CBFA2T2: variants seen among roughly 807,000 people sequenced by gnomAD.
CBFA2T2 encodes protein CBFA2T2.
Under a neutral mutation model 62.2 loss-of-function variants are expected in CBFA2T2, and 11 were observed. That is an observed-to-expected ratio of 0.18 (90% CI 0.11 to 0.29). CBFA2T2 has a LOEUF of 0.29. Among genes scored for constraint, CBFA2T2 ranks in the 10% least tolerant of loss-of-function variants. The probability of loss-of-function intolerance (pLI) is 1.00; values close to 1 mark genes in which losing one functional copy is unlikely to be tolerated. For synonymous variants in CBFA2T2, 295 were observed against 287.5 expected (o/e 1.03, Z -0.27); for missense variants, 592 against 774.1 (o/e 0.76, Z 2.79).
At position 33,594,472 on chromosome 20, in the gene CBFA2T2, G is replaced by A. The variant is rs542163562; in HGVS notation, c.35-12484G>A. ...CTTGACCTCGTGATCCTCCTGCCTCGGCCTCCCAAAGTGCTGGGATTACAG... is the reference window on the plus strand; with the variant it reads ...CTTGACCTCGTGATCCTCCTGCCTCAGCCTCCCAAAGTGCTGGGATTACAG... On this transcript the variant is annotated intron_variant, in intron 1 of 10. Transcript: ENST00000342704. Among the ~76,000 whole-genome samples the A allele has an allele frequency of 1.8e-4, 27 of 151,956 alleles. No homozygotes were observed. In the South Asian group the frequency reaches 5.0e-3, roughly 28 times the overall value.
At chr20:33,544,930 G>A (rs2012496765) in intron 1 of CBFA2T2, among the ~76,000 whole-genome samples, 1 of 142,746 alleles carries the variant, frequency 7.0e-6, no homozygotes, top group Non-Finnish European at 1.5e-5. Context: ...GCATGCATGA[G>A]TGAATAGAAT....
At chr20:33,606,919 A>G (rs2015361954) in intron 1 of CBFA2T2, 37 bp from the exon 2 acceptor site, 1 of 1,596,032 alleles carries the variant, frequency 6.3e-7, no homozygotes, top group Non-Finnish European at 8.6e-7. Context: ...GCAAACTTTT[A>G]GAAAACCCTA....
In CBFA2T2 at chr20:33,646,118, C is replaced by G. The variant is rs896886398; in HGVS notation, c.*1472C>G. ...TTCCAGGTTCAAGCAATTCTCCTGC[C>G]TCAGCCTCCCGAGTAGCTGAGATTA... On this transcript the variant is annotated 3_prime_UTR_variant, in exon 11 of 11. Coordinates refer to ENST00000342704, the MANE Select transcript of CBFA2T2 (RefSeq NM_001032999.3). The G allele has an allele frequency of 2.6e-5, 4 of 152,294 alleles. No homozygotes were observed. Among genetic ancestry groups the G allele is most frequent in the African/African-American group, 7.2e-5 (3 of 41,434 alleles). 9.4% of individuals were successfully genotyped at this position (152,294 alleles called of 1,614,324 possible).
intron 1 of CBFA2T2, among the ~76,000 whole-genome samples, chr20:33,564,860 A>T (rs1206797388): frequency 6.6e-6 from 1 of 152,024 alleles, no homozygotes; most frequent in Non-Finnish European, 1.5e-5. Context: ...GATTGCAGGC[A>T]TGAGCCACCA....
chr20:33,570,526 G>C (rs1247919847), intron 1 of CBFA2T2, among the ~76,000 whole-genome samples: 2 of 147,800 alleles, frequency 1.4e-5, no homozygotes, highest in Non-Finnish European at 2.9e-5. Flanking sequence ...ATTTGAAACA[G>C]AGCCTTCTCT....
intron 1 of CBFA2T2, among the ~76,000 whole-genome samples, chr20:33,580,286 T>G (rs1331224927): frequency 1.3e-5 from 2 of 152,202 alleles, no homozygotes; most frequent in African/African-American, 4.8e-5. Context: ...TGTAACGCAG[T>G]AAGAAATATC....
intron 1 of CBFA2T2, among the ~76,000 whole-genome samples, chr20:33,526,658 T>TA (rs2011895817): frequency 6.6e-6 from 1 of 152,138 alleles, no homozygotes; most frequent in Non-Finnish European, 1.5e-5. Context: ...TTCAGTATGA[T>TA]AAGTTAGCTT....
At chr20:33,637,434 G>A (rs894784770) in intron 9 of CBFA2T2, among the ~76,000 whole-genome samples, 5 of 152,072 alleles carry the variant, frequency 3.3e-5, no homozygotes, top group African/African-American at 1.2e-4. Flanking sequence ...TAAAAGATAT[G>A]AACAGACACA....
At chr20:33,604,732 G>T (rs771349735) in intron 1 of CBFA2T2, among the ~76,000 whole-genome samples, 56 of 152,194 alleles carry the variant, frequency 3.7e-4, no homozygotes, top group Admixed American at 2.6e-3. Context: ...TATAGAGCCA[G>T]GTGGTCTGAA....
intron 1 of CBFA2T2, among the ~76,000 whole-genome samples, chr20:33,525,620 G>A (rs2011866364): frequency 6.6e-6 from 1 of 152,128 alleles, no homozygotes; most frequent in Admixed American, 6.6e-5. Context: ...AACAATTACT[G>A]TCTATTTTTC....
intron 1 of CBFA2T2, among the ~76,000 whole-genome samples, chr20:33,510,275 A>G (rs1251297973): frequency 6.8e-6 from 1 of 147,438 alleles, no homozygotes; most frequent in Non-Finnish European, 1.5e-5. Context: ...CAGTGGCGCT[A>G]TCTTGGCTCA....
At chr20:33,627,567 G>C (rs1293997091) in intron 6 of CBFA2T2, among the ~76,000 whole-genome samples, 4 of 152,206 alleles carry the variant, frequency 2.6e-5, no homozygotes, top group African/African-American at 9.6e-5. Context: ...GGACCCCTGG[G>C]CTCAAGTGAT....
chr20:33,606,537 G>A (rs2015346856), intron 1 of CBFA2T2, among the ~76,000 whole-genome samples: 1 of 152,146 alleles, frequency 6.6e-6, no homozygotes, highest in African/African-American at 2.4e-5. Flanking sequence ...CTGGCTTGCT[G>A]GTTGCTGGCA....
chr20:33,603,322 T>G (rs1311926177), intron 1 of CBFA2T2, among the ~76,000 whole-genome samples: 6 of 152,260 alleles, frequency 3.9e-5, no homozygotes, highest in African/African-American at 1.4e-4. Flanking sequence ...CAGGATATCC[T>G]TAGCAAATTG....
At chr20:33,576,948 A>G (rs531693720) in intron 1 of CBFA2T2, among the ~76,000 whole-genome samples, 2 of 152,352 alleles carry the variant, frequency 1.3e-5, no homozygotes, top group South Asian at 4.1e-4. Context: ...ATTTATTGCC[A>G]TATTTAGTCC....
chr20:33,543,056 C>G (rs1242446546), intron 1 of CBFA2T2, among the ~76,000 whole-genome samples: 1 of 151,722 alleles, frequency 6.6e-6, no homozygotes. Flanking sequence ...CCCTGTCGCC[C>G]AGGCTGGAGT....
At chr20:33,554,255 C>CTTTTTTTTTTT (rs760696196) in intron 1 of CBFA2T2, among the ~76,000 whole-genome samples, 1 of 131,978 alleles carries the variant, frequency 7.6e-6, no homozygotes, top group Admixed American at 7.6e-5. Context: ...TTACTTTTTT[C>CTTTTTTTTTTT]TTTTTTTTTT....
intron 1 of CBFA2T2, among the ~76,000 whole-genome samples, chr20:33,595,631 A>G (rs1601030229): frequency 6.6e-6 from 1 of 151,834 alleles, no homozygotes; most frequent in Non-Finnish European, 1.5e-5. Flanking sequence ...GGCTCACTAC[A>G]ACCTCTGCCT....
chr20:33,647,713 T>G lies in CBFA2T2; in HGVS notation c.*3067T>G, dbSNP rs1427923408. 1 of 152,262 alleles carries G rather than the reference T, an allele frequency of 6.6e-6. No individual in the cohort carries two copies. The highest frequency in any genetic ancestry group is 2.4e-5 in the African/African-American group (1 of 41,462). The allele number at this position is 152,262 out of a possible 1,614,324, so 9.4% of individuals were successfully genotyped here. ...AGGGCTCGATGCCCATTTCTGTGGC[T>G]AAGGCTTAGGTTTGGTGTGCAGAGC... is the stretch of plus-strand genomic sequence containing the variant. On this transcript the variant is annotated 3_prime_UTR_variant, in exon 11 of 11. Coordinates refer to ENST00000342704, the MANE Select transcript of CBFA2T2 (RefSeq NM_001032999.3).
Sources: gnomAD v4.1 joint callset for allele counts (sites outside exome capture counted in the v4.1 genomes callset) on GRCh38, gnomAD v4.1.1 for gene constraint, MANE v1.5 for transcripts, NCBI Gene and HGNC (gene_info 2026-07-23, HGNC 2026-07-21) for gene names.